The following ALPL variants were observed in gnomAD, a reference collection of about 807,000 sequenced individuals.
The protein encoded by ALPL is alkaline phosphatase, biomineralization associated, also known as alkaline phosphatase, tissue-nonspecific isozyme.
ALPL carries 42 observed loss-of-function variants against 51.3 expected under a neutral mutation model. The observed-to-expected ratio is 0.82, with a 90% CI of 0.64 to 1.06. The LOEUF (loss-of-function observed/expected upper bound fraction) is 1.06. Among genes scored for constraint, ALPL ranks in the 50% least tolerant of loss-of-function variants. The probability of loss-of-function intolerance (pLI) is 0.00; values close to 1 mark genes in which losing one functional copy is unlikely to be tolerated. For missense variants in ALPL, 589 were observed against 709.4 expected, an observed-to-expected ratio of 0.83 and a Z score of 1.93; for synonymous variants, 279 against 296.4, an observed-to-expected ratio of 0.94 and a Z score of 0.60.
chr1:21,562,976 C>A, intron 4 of ALPL, 134 bp from the exon 5 acceptor site: 1 of 1,193,586 alleles, frequency 8.4e-7, no homozygotes, highest in Non-Finnish European at 1.2e-6. Context: ...CTTCAGTGGG[C>A]AGTGGGCCTG....
At chr1:21,568,381 C>A in intron 7 of ALPL, 134 bp downstream of exon 7, 1 of 1,210,788 alleles carries the variant, frequency 8.3e-7, no homozygotes, top group Non-Finnish European at 1.2e-6. Flanking sequence ...CTCAAATGGC[C>A]TAAGAGATAT....
upstream of ALPL, chr1:21,509,316 CCGGGCTGGGGAGGGGTT>C (rs1643631547): frequency 8.3e-6 from 1 of 119,868 alleles, no homozygotes. The surrounding 1 kb of genome is among the most constrained non-coding windows in gnomAD (Gnocchi z 6.0). Flanking sequence ...GGGGCCGGGG[CCGGGCTGGGGAGGGGTT>C]GGGGCCGGGG....
chr1:21,532,184 A>AT (rs954210101), intron 1 of ALPL, among the ~76,000 whole-genome samples: 8 of 150,346 alleles, frequency 5.3e-5, no homozygotes, highest in Non-Finnish European at 7.4e-5. Flanking sequence ...AAAGACCAAG[A>AT]TTTTTTTTTT....
chr1:21,556,874 G>A (rs1417879543), intron 2 of ALPL, among the ~76,000 whole-genome samples: 1 of 152,186 alleles, frequency 6.6e-6, no homozygotes, highest in Non-Finnish European at 1.5e-5. Context: ...AGGAGGCGGA[G>A]GTTGCAGTGA....
chr1:21,515,747 G>C (rs763697650), intron 1 of ALPL, among the ~76,000 whole-genome samples: 4 of 152,208 alleles, frequency 2.6e-5, no homozygotes, highest in Non-Finnish European at 4.4e-5. Flanking sequence ...TACTAGGTCA[G>C]TAAAGCCACA....
chr1:21,560,577 T>C (rs2148150662), intron 2 of ALPL, 49 bp from the exon 3 acceptor site: 5 of 1,609,550 alleles, frequency 3.1e-6, no homozygotes, highest in Middle Eastern at 1.7e-4. Context: ...CGTCTGGAGA[T>C]AGGAGGCTAT....
chr1:21,537,493 G>A (rs1644124772), intron 1 of ALPL, among the ~76,000 whole-genome samples: 3 of 152,200 alleles, frequency 2.0e-5, no homozygotes, highest in Admixed American at 2.0e-4. Flanking sequence ...TGAGAGAGCA[G>A]CATGACATGA....
At chr1:21,555,432 CAG>C (rs1283019172) in intron 2 of ALPL, among the ~76,000 whole-genome samples, 4 of 152,184 alleles carry the variant, frequency 2.6e-5, no homozygotes, top group African/African-American at 9.6e-5. Context: ...CTTTTTGAGA[CAG>C]AGACAGACTC....
intron 10 of ALPL, among the ~76,000 whole-genome samples, chr1:21,576,255 A>ATGGATGGATGGATGGG (rs60717792): frequency 4.2e-5 from 6 of 144,416 alleles, no homozygotes; most frequent in African/African-American, 1.5e-4. Context: ...TGGATGGATG[A>ATGGATGGATGGATGGG]TGGATGGATG....
At chr1:21,516,602 G>A (rs762757769) in intron 1 of ALPL, among the ~76,000 whole-genome samples, 7 of 152,232 alleles carry the variant, frequency 4.6e-5, no homozygotes, top group East Asian at 1.9e-4. Flanking sequence ...TGTTCCCTGC[G>A]GTGACCCATC....
intron 6 of ALPL, among the ~76,000 whole-genome samples, chr1:21,567,440 C>T (rs1475086411): frequency 5.3e-5 from 8 of 152,356 alleles, no homozygotes; most frequent in South Asian, 4.1e-4. Flanking sequence ...CCGTGAGGCC[C>T]GGCCCCGCTG....
In ALPL at chr1:21,554,851, TTCTTTCTTTCTTTCTTTCTTTC is replaced by T. The variant is rs1558544032; in HGVS notation, c.61+713_61+734del. Among the ~76,000 whole-genome samples the T allele has an allele frequency of 5.2e-5, 7 of 135,492 alleles. No homozygotes were observed. The East Asian group carries it at 1.1e-3, about 22-fold the overall frequency. The allele number at this position is 135,492 out of a possible 152,430, so 88.9% of individuals were successfully genotyped here. A position where few individuals can be genotyped will look rare whatever the true frequency, so the allele number is the denominator to read the frequency against. On this transcript the variant is annotated intron_variant, in intron 2 of 11. Coordinates refer to ENST00000374840, the MANE Select transcript of ALPL (RefSeq NM_000478.6). ...TTTCTTTCTTTCTTTCTTTCTTTCT[TTCTTTCTTTCTTTCTTTCTTTC>T]TCTCTTTCTTTCTTTTTCTTTCTTT...
intron 1 of ALPL, among the ~76,000 whole-genome samples, chr1:21,512,397 G>T (rs187362216): frequency 2.0e-5 from 3 of 152,112 alleles, no homozygotes; most frequent in Non-Finnish European, 4.4e-5. Flanking sequence ...GATCATAAAT[G>T]GTTTTCCAAC....
chr1:21,571,221 C>G (rs754876387), intron 8 of ALPL, among the ~76,000 whole-genome samples: 1 of 152,250 alleles, frequency 6.6e-6, no homozygotes, highest in African/African-American at 2.4e-5. Flanking sequence ...TCTCCTCTTT[C>G]TGCCTCAGTT....
chr1:21,542,772 A>G (rs1644204680), intron 1 of ALPL, among the ~76,000 whole-genome samples: 1 of 152,130 alleles, frequency 6.6e-6, no homozygotes, highest in Non-Finnish European at 1.5e-5. Context: ...CTGAAGGCGG[A>G]GGTTGCAGTG....
Position 21,554,158 on chromosome 1 carries a change from C to A in ALPL, c.61+16C>A, listed in dbSNP as rs1179364780. Reference sequence around the variant, plus strand: ...TTAGTGCCAGGTATGCTTGGGGACACAGGTGGAGGCATAAAAAGGTGGTGC... The same window carrying A: ...TTAGTGCCAGGTATGCTTGGGGACAAAGGTGGAGGCATAAAAAGGTGGTGC... On this transcript the variant is annotated intron_variant, in intron 2 of 11. Transcript: ENST00000374840. 4 of 1,613,012 alleles carry A rather than the reference C, an allele frequency of 2.5e-6. No homozygotes were observed. The Admixed American group carries it at 6.7e-5, about 27-fold the overall frequency.
intron 1 of ALPL, among the ~76,000 whole-genome samples, chr1:21,512,170 G>T (rs887011463): frequency 2.0e-5 from 3 of 152,096 alleles, no homozygotes; most frequent in African/African-American, 7.2e-5. Flanking sequence ...GCACCATGTC[G>T]TCGTCCTTGG....
intron 5 of ALPL, 81 bp from the exon 6 acceptor site, chr1:21,563,960 G>A (rs1389560378): frequency 2.3e-5 from 35 of 1,553,812 alleles, no homozygotes; most frequent in African/African-American, 9.5e-5. Flanking sequence ...TGTCTTTAGC[G>A]GGGAGGGGGA....
chr1:21,577,112 G>C (rs1644748017), intron 11 of ALPL, among the ~76,000 whole-genome samples: 1 of 152,166 alleles, frequency 6.6e-6, no homozygotes. Flanking sequence ...GCAATGGTAA[G>C]AGTCTCCCCG....
Sources: gnomAD v4.1 joint callset for allele counts (sites outside exome capture counted in the v4.1 genomes callset) on GRCh38, gnomAD v4.1.1 for gene constraint, Gnocchi (gnomAD v3.1) non-coding constraint, MANE v1.5 for transcripts, NCBI Gene and HGNC (gene_info 2026-07-23, HGNC 2026-07-21) for gene names.